The following RPS6KC1 variants were observed in gnomAD, a reference collection of about 807,000 sequenced individuals.
The protein encoded by RPS6KC1 is ribosomal protein S6 kinase C1.
In RPS6KC1, 54 loss-of-function variants were observed where a neutral mutation model predicts 103.8. That is an observed-to-expected ratio of 0.52 (90% CI 0.42 to 0.65). The LOEUF (loss-of-function observed/expected upper bound fraction) is 0.65. RPS6KC1 is among the 30% of genes least tolerant of loss of function. The pLI is 0.00. For synonymous variants in RPS6KC1, 439 were observed against 438.7 expected (o/e 1.00, Z -0.01); for missense variants, 1,151 against 1,253.8 (o/e 0.92, Z 1.24).
chr1:213,860,405 C>CAA, the RPS6KC1 span, among the ~76,000 whole-genome samples: 77 of 145,592 alleles, frequency 5.3e-4, no homozygotes, highest in Admixed American at 1.6e-3. Context: ...GTAAGAGAAA[C>CAA]AAAAAAAAAA....
intron 1 of RPS6KC1, 65 bp downstream of exon 1, chr1:213,051,574 C>T: frequency 1.7e-6 from 2 of 1,184,224 alleles, no homozygotes; most frequent in Non-Finnish European, 2.5e-6. Flanking sequence ...GGTGGGGACC[C>T]TGATGTGAGG....
chr1:213,811,804 C>T, the RPS6KC1 span, among the ~76,000 whole-genome samples: 2 of 152,158 alleles, frequency 1.3e-5, no homozygotes, highest in African/African-American at 4.8e-5. Context: ...GTGTTTTAGA[C>T]TTTAGACTGC....
At chr1:213,845,112 G>A in the RPS6KC1 span, among the ~76,000 whole-genome samples, 21 of 151,346 alleles carry the variant, frequency 1.4e-4, no homozygotes, top group Middle Eastern at 6.8e-3. Flanking sequence ...CATTCTTACA[G>A]TAAACCTCTT....
the RPS6KC1 span, among the ~76,000 whole-genome samples, chr1:213,811,193 C>G: frequency 6.6e-6 from 1 of 152,192 alleles, no homozygotes; most frequent in East Asian, 1.9e-4. Flanking sequence ...GAGGCAATTA[C>G]ATTTAACACT....
the RPS6KC1 span, among the ~76,000 whole-genome samples, chr1:213,758,491 T>C: frequency 3.3e-5 from 5 of 151,020 alleles, no homozygotes; most frequent in Non-Finnish European, 7.4e-5. Context: ...GGCAGGAGAA[T>C]CACTTGAACC....
At chr1:213,777,803 TGAGTA>T in the RPS6KC1 span, among the ~76,000 whole-genome samples, 2 of 152,220 alleles carry the variant, frequency 1.3e-5, no homozygotes, top group Non-Finnish European at 2.9e-5. Context: ...TATTCAGAAT[TGAGTA>T]CTTTTTCTAA....
At chr1:213,734,536 T>A in the RPS6KC1 span, among the ~76,000 whole-genome samples, 2 of 152,174 alleles carry the variant, frequency 1.3e-5, no homozygotes, top group Non-Finnish European at 2.9e-5. Flanking sequence ...CATGTGTGAA[T>A]GTGTGTGTGT....
chr1:213,566,568 G>C, the RPS6KC1 span, among the ~76,000 whole-genome samples: 1 of 136,778 alleles, frequency 7.3e-6, no homozygotes, highest in African/African-American at 2.7e-5. Flanking sequence ...CTCATATTTT[G>C]CTCCCTTTTT....
At chr1:213,217,592 A>T (rs1415815462) in intron 8 of RPS6KC1, among the ~76,000 whole-genome samples, 4 of 152,098 alleles carry the variant, frequency 2.6e-5, no homozygotes, top group Non-Finnish European at 5.9e-5. Flanking sequence ...TAGACCAATA[A>T]CCCTGATGAA....
the RPS6KC1 span, among the ~76,000 whole-genome samples, chr1:213,678,057 G>A: frequency 6.6e-6 from 1 of 152,028 alleles, no homozygotes; most frequent in African/African-American, 2.4e-5. Context: ...AACGAGGAAT[G>A]TTTAATTCCC....
At chr1:213,517,109 C>T in the RPS6KC1 span, among the ~76,000 whole-genome samples, 3 of 151,938 alleles carry the variant, frequency 2.0e-5, no homozygotes, top group East Asian at 1.9e-4. Context: ...CTATTTGATT[C>T]TTCTCTGTTT....
intron 12 of RPS6KC1, among the ~76,000 whole-genome samples, chr1:213,252,277 T>C (rs938209287): frequency 2.6e-5 from 4 of 152,332 alleles, no homozygotes; most frequent in Non-Finnish European, 2.9e-5. Context: ...ACAGTACTAA[T>C]GTTTCTGTGC....
At chr1:213,299,160 C>G in the RPS6KC1 span, among the ~76,000 whole-genome samples, 1 of 152,182 alleles carries the variant, frequency 6.6e-6, no homozygotes, top group African/African-American at 2.4e-5. Flanking sequence ...CCCAGGAAAG[C>G]AAGAGCCGAG....
chr1:213,767,038 T>C, the RPS6KC1 span, among the ~76,000 whole-genome samples: 1 of 152,306 alleles, frequency 6.6e-6, no homozygotes, highest in South Asian at 2.1e-4. Context: ...CTCCCAATTC[T>C]CTCTCCCTTT....
At chr1:213,257,449 T>A (rs1263537697) in intron 12 of RPS6KC1, among the ~76,000 whole-genome samples, 1 of 152,190 alleles carries the variant, frequency 6.6e-6, no homozygotes, top group Non-Finnish European at 1.5e-5. Flanking sequence ...TCTCATTAAT[T>A]TTTACATCTC....
the RPS6KC1 span, among the ~76,000 whole-genome samples, chr1:213,741,206 A>G: frequency 6.6e-6 from 1 of 151,810 alleles, no homozygotes; most frequent in African/African-American, 2.4e-5. Flanking sequence ...ATTAAATCAA[A>G]CTATTAATAT....
At chr1:213,479,139 C>T in the RPS6KC1 span, among the ~76,000 whole-genome samples, 5 of 152,068 alleles carry the variant, frequency 3.3e-5, no homozygotes, top group African/African-American at 9.7e-5. Context: ...TTCATATCCA[C>T]TCCCTTATGT....
the RPS6KC1 span, among the ~76,000 whole-genome samples, chr1:213,650,128 C>G: frequency 3.3e-5 from 5 of 152,048 alleles, 1 homozygote; most frequent in South Asian, 1.0e-3. Context: ...TACATCCAGG[C>G]GCTCCCTATG....
At chr1:213,520,419 C>G in the RPS6KC1 span, among the ~76,000 whole-genome samples, 1 of 152,092 alleles carries the variant, frequency 6.6e-6, no homozygotes, top group Non-Finnish European at 1.5e-5. Flanking sequence ...CAGTTGTCTC[C>G]CACCAGGTCC....
Sources: gnomAD v4.1 joint callset for allele counts (sites outside exome capture counted in the v4.1 genomes callset) on GRCh38, gnomAD v4.1.1 for gene constraint, MANE v1.5 for transcripts, NCBI Gene and HGNC (gene_info 2026-07-23, HGNC 2026-07-21) for gene names.